The following CTNNA2 variants were observed in gnomAD, a reference collection of about 807,000 sequenced individuals.
CTNNA2 encodes catenin alpha-2.
CTNNA2 carries 42 observed loss-of-function variants against 101.0 expected under a neutral mutation model. That is an observed-to-expected ratio of 0.42 (90% CI 0.32 to 0.54). The LOEUF is 0.54. CTNNA2 is among the 20% of genes least tolerant of loss of function. CTNNA2 has a pLI of 0.14. For synonymous variants in CTNNA2, 450 were observed against 456.4 expected, an observed-to-expected ratio of 0.99 and a Z score of 0.18; for missense variants, 871 against 1,223.1, an observed-to-expected ratio of 0.71 and a Z score of 4.29.
chr2:80,519,043 G>A (rs1309032308), intron 9 of CTNNA2, among the ~76,000 whole-genome samples: 1 of 152,084 alleles, frequency 6.6e-6, no homozygotes, highest in Non-Finnish European at 1.5e-5. Flanking sequence ...AAGTTTTCAT[G>A]GGGCAGTGAA....
chr2:79,875,230 GTCA>G (rs1473498683), intron 6 of CTNNA2, among the ~76,000 whole-genome samples: 3 of 152,180 alleles, frequency 2.0e-5, no homozygotes, highest in Non-Finnish European at 4.4e-5. Flanking sequence ...TTGCACGCAT[GTCA>G]TCAGCACCCC....
At chr2:79,240,804 A>C (rs1051528170) in intron 2 of CTNNA2, among the ~76,000 whole-genome samples, 1 of 151,960 alleles carries the variant, frequency 6.6e-6, no homozygotes, top group Non-Finnish European at 1.5e-5. Flanking sequence ...GAGTCTGGGG[A>C]AATGTAAAAT....
At chr2:80,235,454 C>T (rs1709497240) in intron 7 of CTNNA2, among the ~76,000 whole-genome samples, 1 of 152,190 alleles carries the variant, frequency 6.6e-6, no homozygotes, top group Non-Finnish European at 1.5e-5. Context: ...TGTGGGGCTG[C>T]CTGGCTGGTG....
chr2:79,750,479 A>G (rs891090460), intron 3 of CTNNA2, among the ~76,000 whole-genome samples: 1 of 152,212 alleles, frequency 6.6e-6, no homozygotes, highest in Non-Finnish European at 1.5e-5. Flanking sequence ...TTACTTATCA[A>G]TCCATGGTAG....
intron 6 of CTNNA2, among the ~76,000 whole-genome samples, chr2:79,895,474 ATAACAGCAATTAAGCCACAAT>A (rs1350868832): frequency 6.6e-6 from 1 of 152,176 alleles, no homozygotes; most frequent in Non-Finnish European, 1.5e-5. Context: ...TATTAGGTTG[ATAACAGCAATTAAGCCACAAT>A]TGCTTCTGAG....
chr2:80,308,526 T>C (rs1677242234), intron 7 of CTNNA2, among the ~76,000 whole-genome samples: 1 of 152,138 alleles, frequency 6.6e-6, no homozygotes, highest in Admixed American at 6.5e-5. Context: ...GCACATACCA[T>C]ACAGCTGGCA....
chr2:79,355,326 A>G (rs1166003674), intron 3 of CTNNA2, among the ~76,000 whole-genome samples: 1 of 152,102 alleles, frequency 6.6e-6, no homozygotes, highest in East Asian at 1.9e-4. Flanking sequence ...CATTATGGTC[A>G]TTTTTGTGAT....
chr2:79,944,591 C>T (rs1020714817), intron 7 of CTNNA2, among the ~76,000 whole-genome samples: 3 of 151,990 alleles, frequency 2.0e-5, no homozygotes, highest in Admixed American at 6.6e-5. Flanking sequence ...CAGTGTGGAG[C>T]GGGGTGGGGG....
chr2:80,300,943 A>C (rs1180917689), intron 7 of CTNNA2, among the ~76,000 whole-genome samples: 2 of 151,596 alleles, frequency 1.3e-5, no homozygotes, highest in East Asian at 3.9e-4. Context: ...CATCACTCTC[A>C]ACACAGAAAA....
chr2:79,222,305 T>A (rs1274088513), intron 2 of CTNNA2, among the ~76,000 whole-genome samples: 1 of 152,210 alleles, frequency 6.6e-6, no homozygotes, highest in Non-Finnish European at 1.5e-5. Context: ...GGCACACAGG[T>A]GGCCAGTTTA....
chr2:80,496,222 G>A (rs1687454782), intron 9 of CTNNA2, among the ~76,000 whole-genome samples: 3 of 152,070 alleles, frequency 2.0e-5, no homozygotes, highest in African/African-American at 7.2e-5. Context: ...CCTAGTGCGT[G>A]GTACTTTGTT....
At chr2:79,407,361 C>G (rs1055979492) in intron 4 of CTNNA2, among the ~76,000 whole-genome samples, 2 of 151,988 alleles carry the variant, frequency 1.3e-5, no homozygotes, top group African/African-American at 4.8e-5. Context: ...TAAGGTGAGG[C>G]TGCCTTCAAA....
intron 7 of CTNNA2, among the ~76,000 whole-genome samples, chr2:80,230,339 T>G (rs901409785): frequency 6.6e-6 from 1 of 151,394 alleles, no homozygotes; most frequent in African/African-American, 2.4e-5. Context: ...CAAGCAATCT[T>G]CCTGCCTTGG....
At chr2:79,254,900 A>G (rs1674821908) in intron 2 of CTNNA2, among the ~76,000 whole-genome samples, 1 of 152,194 alleles carries the variant, frequency 6.6e-6, no homozygotes, top group African/African-American at 2.4e-5. Context: ...CATTTACTAG[A>G]AAGAGTTACC....
intron 9 of CTNNA2, among the ~76,000 whole-genome samples, chr2:80,494,606 G>A (rs1347423082): frequency 4.6e-5 from 7 of 152,044 alleles, no homozygotes; most frequent in African/African-American, 1.7e-4. Flanking sequence ...AATATTTATT[G>A]GGTCATGATG....
chr2:80,515,151 C>CTT (rs751309907), intron 9 of CTNNA2, among the ~76,000 whole-genome samples: 1 of 143,880 alleles, frequency 7.0e-6, no homozygotes, highest in Non-Finnish European at 1.5e-5. Flanking sequence ...AATTGCCCAT[C>CTT]TTTTTTTTTT....
chr2:80,112,426 T>C (rs1240207891), intron 7 of CTNNA2, among the ~76,000 whole-genome samples: 1 of 152,222 alleles, frequency 6.6e-6, no homozygotes, highest in East Asian at 1.9e-4. Flanking sequence ...TACTGATTGC[T>C]GTGATGGACT....
At chr2:79,570,087 T>C (rs1348284853) in intron 1 of CTNNA2, among the ~76,000 whole-genome samples, 2 of 152,186 alleles carry the variant, frequency 1.3e-5, no homozygotes, top group Admixed American at 6.5e-5. Flanking sequence ...AATAAATTTG[T>C]ATCCACATGC....
At chr2:79,339,060 C>T (rs924905000) in intron 3 of CTNNA2, among the ~76,000 whole-genome samples, 1 of 152,100 alleles carries the variant, frequency 6.6e-6, no homozygotes, top group Non-Finnish European at 1.5e-5. Flanking sequence ...AGGTAGAAAA[C>T]ACTTGGAAAT....
Sources: gnomAD v4.1 joint callset for allele counts (sites outside exome capture counted in the v4.1 genomes callset) on GRCh38, gnomAD v4.1.1 for gene constraint, MANE v1.5 for transcripts, NCBI Gene and HGNC (gene_info 2026-07-23, HGNC 2026-07-21) for gene names.